The following IFT81 variants were observed in gnomAD, a reference collection of about 807,000 sequenced individuals.
IFT81 encodes the protein intraflagellar transport protein 81 homolog.
In IFT81, 72 loss-of-function variants were observed where a neutral mutation model predicts 102.6. The ratio of observed to expected loss-of-function variants is 0.70; its 90% CI spans 0.58 to 0.85. IFT81 has a LOEUF of 0.85. Among genes scored for constraint, IFT81 ranks in the 40% least tolerant of loss-of-function variants. The pLI is 0.00. For synonymous variants in IFT81, 237 were observed against 242.7 expected (o/e 0.98, Z 0.22); for missense variants, 723 against 787.3 (o/e 0.92, Z 0.98).
intron 12 of IFT81, among the ~76,000 whole-genome samples, chr12:110,189,521 G>T (rs1452990703): frequency 2.0e-5 from 3 of 151,672 alleles, no homozygotes; most frequent in Non-Finnish European, 4.4e-5. Context: ...GCTAATTTTT[G>T]TATTTTTAGT....
intron 10 of IFT81, among the ~76,000 whole-genome samples, chr12:110,148,055 A>T (rs191107989): frequency 8.6e-4 from 130 of 151,934 alleles, no homozygotes; most frequent in Non-Finnish European, 1.7e-3. Flanking sequence ...TTATTTATTT[A>T]TTTTTTGCTG....
intron 18 of IFT81, among the ~76,000 whole-genome samples, chr12:110,213,184 A>G (rs1169128062): frequency 6.6e-6 from 1 of 152,164 alleles, no homozygotes; most frequent in African/African-American, 2.4e-5. Flanking sequence ...CAGGATCCTA[A>G]TAAGAGTCCA....
At chr12:110,152,616 T>C (rs918128944) in intron 10 of IFT81, among the ~76,000 whole-genome samples, 2 of 152,108 alleles carry the variant, frequency 1.3e-5, no homozygotes, top group Non-Finnish European at 2.9e-5. Context: ...TCTGGATTTT[T>C]TTTTTTCTTA....
chr12:110,160,961 G>A (rs564446219), intron 10 of IFT81, among the ~76,000 whole-genome samples: 2 of 151,964 alleles, frequency 1.3e-5, no homozygotes, highest in South Asian at 4.2e-4. Context: ...AAGGTAGTGG[G>A]CATTTTTTTC....
intron 4 of IFT81, among the ~76,000 whole-genome samples, chr12:110,130,658 T>A (rs1322436047): frequency 6.6e-6 from 1 of 152,014 alleles, no homozygotes; most frequent in Non-Finnish European, 1.5e-5. Context: ...TGAGCCACGG[T>A]GCACGACCTG....
chr12:110,147,768 T>C (rs909739931), intron 10 of IFT81, among the ~76,000 whole-genome samples: 2 of 152,218 alleles, frequency 1.3e-5, no homozygotes, highest in African/African-American at 2.4e-5. Context: ...ATGGCCATTC[T>C]TGTTTCCTCT....
chr12:110,127,238 C>T, intron 1 of IFT81, 122 bp from the exon 2 acceptor site: 3 of 951,328 alleles, frequency 3.2e-6, no homozygotes, highest in Non-Finnish European at 4.4e-6. Flanking sequence ...CTTTTCACAG[C>T]ATTTTGTATG....
At position 110,135,033 on chromosome 12, in the gene IFT81, G is replaced by T. The variant is rs759646279; in HGVS notation, c.585+20G>T. The T allele has an allele frequency of 4.5e-6, 7 of 1,567,966 alleles. No individual in the cohort carries two copies. Among genetic ancestry groups the T allele is most frequent in the Non-Finnish European group, 6.1e-6 (7 of 1,153,484 alleles). ...AAAAGGGTAAGGCAGAATTAGTACTGTAAGACTTTGGCCCCAAGTCCCAAG... is the reference window on the plus strand; with the variant it reads ...AAAAGGGTAAGGCAGAATTAGTACTTTAAGACTTTGGCCCCAAGTCCCAAG... On this transcript the variant is annotated intron_variant, in intron 6 of 18. Coordinates refer to ENST00000242591, the MANE Select transcript of IFT81 (RefSeq NM_014055.4).
At chr12:110,137,944 C>T (rs1172139141) in intron 8 of IFT81, among the ~76,000 whole-genome samples, 1 of 152,176 alleles carries the variant, frequency 6.6e-6, no homozygotes, top group Admixed American at 6.6e-5. Context: ...TCTGTTCTTA[C>T]ATTAGCTTAA....
chr12:110,171,513 A>G (rs528966253), intron 11 of IFT81, among the ~76,000 whole-genome samples: 2 of 152,308 alleles, frequency 1.3e-5, no homozygotes, highest in Admixed American at 1.3e-4. Context: ...ACTAGCCACT[A>G]CCATATGTAG....
intron 9 of IFT81, among the ~76,000 whole-genome samples, 170 bp downstream of exon 9, chr12:110,143,715 A>G (rs79746168): frequency 6.6e-6 from 1 of 152,202 alleles, no homozygotes; most frequent in African/African-American, 2.4e-5. Flanking sequence ...ATAGAATGTT[A>G]TGCTATTACT....
chr12:110,162,823 T>C, intron 10 of IFT81, 96 bp from the exon 11 acceptor site: 1 of 1,085,090 alleles, frequency 9.2e-7, no homozygotes, highest in Non-Finnish European at 1.3e-6. Flanking sequence ...ATATTGAAAA[T>C]ATAACTTGGT....
chr12:110,131,586 G>C (rs1360930966), intron 4 of IFT81, among the ~76,000 whole-genome samples: 2 of 152,028 alleles, frequency 1.3e-5, no homozygotes, highest in Non-Finnish European at 2.9e-5. Flanking sequence ...GACCTCAAGT[G>C]ATCCATCTGC....
chr12:110,159,424 C>T (rs902480743), intron 10 of IFT81, among the ~76,000 whole-genome samples: 1 of 152,172 alleles, frequency 6.6e-6, no homozygotes, highest in African/African-American at 2.4e-5. Context: ...TGGGCCACTG[C>T]ACTCCAGCCT....
At chr12:110,146,804 TAA>T in intron 9 of IFT81, 147 bp from the exon 10 acceptor site, 3 of 913,514 alleles carry the variant, frequency 3.3e-6, no homozygotes, top group Non-Finnish European at 4.4e-6. Context: ...CCCCATCTCT[TAA>T]AAAAAAAATT....
intron 13 of IFT81, among the ~76,000 whole-genome samples, chr12:110,191,446 C>T (rs1897792123): frequency 6.6e-6 from 1 of 152,204 alleles, no homozygotes; most frequent in Admixed American, 6.5e-5. Flanking sequence ...GCTGGGATTA[C>T]AGGCGTGAGC....
intron 18 of IFT81, among the ~76,000 whole-genome samples, chr12:110,212,664 C>T (rs1279228072): frequency 6.6e-6 from 1 of 151,910 alleles, no homozygotes; most frequent in Non-Finnish European, 1.5e-5. Context: ...TAGTGAAACC[C>T]CTTCTCTACT....
At chr12:110,139,903 TAA>T (rs1491547161) in intron 8 of IFT81, among the ~76,000 whole-genome samples, 1 of 136,192 alleles carries the variant, frequency 7.3e-6, no homozygotes, top group Non-Finnish European at 1.6e-5. Flanking sequence ...TAAAATAAAA[TAA>T]AAAATAAAAA....
chr12:110,160,484 C>G (rs914977792), intron 10 of IFT81, among the ~76,000 whole-genome samples: 4 of 152,168 alleles, frequency 2.6e-5, no homozygotes, highest in Non-Finnish European at 4.4e-5. Context: ...GTAGACTCAG[C>G]GAGCAAAGCT....
Sources: allele counts gnomAD v4.1 joint callset (sites outside exome capture counted in the v4.1 genomes callset), GRCh38; gene constraint gnomAD v4.1.1; transcripts MANE v1.5; gene names NCBI Gene and HGNC (gene_info 2026-07-23, HGNC 2026-07-21).